Variants in NRG3 observed in about 807,000 individuals in gnomAD.
NRG3 encodes the protein neuregulin 3.
In NRG3, 31 loss-of-function variants were observed where a neutral mutation model predicts 66.9. The ratio of observed to expected loss-of-function variants is 0.46; its 90% confidence interval spans 0.35 to 0.63. The LOEUF (loss-of-function observed/expected upper bound fraction) is 0.63. Ranked by LOEUF, NRG3 falls within the 20% of genes least tolerant of loss-of-function variation. The pLI, the probability that NRG3 is intolerant of heterozygous loss-of-function variation, is 0.00. For missense variants in NRG3, 910 were observed against 878.9 expected, an observed-to-expected ratio of 1.04 and a Z score of -0.45; for synonymous variants, 393 against 359.4, an observed-to-expected ratio of 1.09 and a Z score of -1.06.
intron 4 of NRG3, among the ~76,000 whole-genome samples, chr10:82,893,984 A>C (rs2131821508): frequency 6.6e-6 from 1 of 152,368 alleles, no homozygotes; most frequent in South Asian, 2.1e-4. Context: ...CCTATAACAA[A>C]ACAAAACAAA....
intron 2 of NRG3, among the ~76,000 whole-genome samples, chr10:82,694,231 T>C (rs2055188912): frequency 6.6e-6 from 1 of 152,138 alleles, no homozygotes. Flanking sequence ...AGAGCGCTGA[T>C]TGGTGCGTTT....
chr10:82,809,043 G>T (rs1461097341), intron 3 of NRG3, among the ~76,000 whole-genome samples: 1 of 152,156 alleles, frequency 6.6e-6, no homozygotes, highest in African/African-American at 2.4e-5. Flanking sequence ...GTGACTGAGA[G>T]GAGGCGATGG....
intron 1 of NRG3, among the ~76,000 whole-genome samples, chr10:81,902,596 G>A (rs1271481903): frequency 6.6e-6 from 1 of 152,124 alleles, no homozygotes; most frequent in Admixed American, 6.5e-5. Flanking sequence ...CCTCGATCTT[G>A]GACTTCCCTG....
intron 2 of NRG3, among the ~76,000 whole-genome samples, chr10:82,379,022 T>C (rs1434756320): frequency 3.9e-5 from 6 of 152,156 alleles, no homozygotes; most frequent in African/African-American, 1.2e-4. Flanking sequence ...TGGGAGCTAA[T>C]TGGGCGCAGG....
At chr10:82,439,669 G>A (rs2090330788) in intron 2 of NRG3, among the ~76,000 whole-genome samples, 1 of 151,720 alleles carries the variant, frequency 6.6e-6, no homozygotes, top group African/African-American at 2.4e-5. Flanking sequence ...ATTGTGAATG[G>A]GAAGTCCTGA....
At chr10:82,474,475 A>C (rs1841574028) in intron 2 of NRG3, among the ~76,000 whole-genome samples, 1 of 152,194 alleles carries the variant, frequency 6.6e-6, no homozygotes, top group African/African-American at 2.4e-5. Flanking sequence ...AACAACTGAA[A>C]ATTTCACTAG....
chr10:82,784,304 A>G (rs1190228184), intron 3 of NRG3, among the ~76,000 whole-genome samples: 2 of 151,402 alleles, frequency 1.3e-5, no homozygotes, highest in African/African-American at 2.4e-5. Flanking sequence ...ATGGGCAAGG[A>G]CTTCATGTCT....
chr10:82,764,935 C>G (rs1430553198), intron 3 of NRG3, among the ~76,000 whole-genome samples: 1 of 152,058 alleles, frequency 6.6e-6, no homozygotes. Flanking sequence ...ATTTGAAAAT[C>G]ATGTCATATG....
At position 82,575,878 on chromosome 10, in the gene NRG3, T is replaced by C. The variant is rs547002846; in HGVS notation, c.954-162699T>C. 2.6e-5 allele frequency among the ~76,000 whole-genome samples: 4 copies of C among 151,880 alleles called. No homozygotes were observed. The East Asian group carries it at 7.8e-4, about 30-fold the overall frequency. ...GTCAAGAGCTTAAAACAATTTCTCATGCATGAGTGAAGCTTCATAAGTGTT... is the reference window on the plus strand; with the variant it reads ...GTCAAGAGCTTAAAACAATTTCTCACGCATGAGTGAAGCTTCATAAGTGTT... On this transcript the variant is annotated intron_variant, in intron 2 of 8. Coordinates refer to ENST00000372141, the MANE Select transcript of NRG3 (RefSeq NM_001010848.4).
At chr10:82,513,559 A>G (rs569638589) in intron 2 of NRG3, among the ~76,000 whole-genome samples, 1 of 152,278 alleles carries the variant, frequency 6.6e-6, no homozygotes, top group Admixed American at 6.5e-5. Context: ...TTACATTCCC[A>G]TCAAGAGCGT....
At chr10:81,898,670 A>C (rs1035146871) in intron 1 of NRG3, among the ~76,000 whole-genome samples, 2 of 152,172 alleles carry the variant, frequency 1.3e-5, no homozygotes, top group African/African-American at 4.8e-5. Context: ...GCCTTTGTCC[A>C]AAATAAATAA....
intron 1 of NRG3, among the ~76,000 whole-genome samples, chr10:81,995,946 T>C (rs552425324): frequency 6.6e-6 from 1 of 152,286 alleles, no homozygotes; most frequent in South Asian, 2.1e-4. Flanking sequence ...TTCACATGGC[T>C]CTCTTCACTG....
intron 1 of NRG3, among the ~76,000 whole-genome samples, chr10:82,326,989 C>CTAG (rs2081905620): frequency 6.6e-6 from 1 of 152,118 alleles, no homozygotes; most frequent in South Asian, 2.1e-4. Flanking sequence ...TTAGTAAAGG[C>CTAG]TAGTATCATT....
At chr10:82,246,819 G>A (rs548318701) in intron 1 of NRG3, among the ~76,000 whole-genome samples, 1 of 152,230 alleles carries the variant, frequency 6.6e-6, no homozygotes, top group Admixed American at 6.5e-5. Flanking sequence ...GAGTGTGAAT[G>A]CTGGCCCACC....
chr10:82,259,913 C>T (rs1458817988), intron 1 of NRG3, among the ~76,000 whole-genome samples: 1 of 150,476 alleles, frequency 6.6e-6, no homozygotes, highest in African/African-American at 2.5e-5. Flanking sequence ...ACCTGGGTGA[C>T]AGGGCAAGAC....
At chr10:82,428,727 A>G (rs2089604880) in intron 2 of NRG3, among the ~76,000 whole-genome samples, 1 of 151,864 alleles carries the variant, frequency 6.6e-6, no homozygotes, top group Admixed American at 6.6e-5. Flanking sequence ...AAGTCTGGAT[A>G]GTTTCTAGTT....
chr10:82,514,127 A>G (rs1845442524), intron 2 of NRG3, among the ~76,000 whole-genome samples: 1 of 152,096 alleles, frequency 6.6e-6, no homozygotes, highest in Non-Finnish European at 1.5e-5. Flanking sequence ...TATTTTTCCC[A>G]TTCTGTAGGT....
intron 2 of NRG3, among the ~76,000 whole-genome samples, chr10:82,603,242 G>A (rs1425550744): frequency 6.6e-6 from 1 of 152,106 alleles, no homozygotes; most frequent in Non-Finnish European, 1.5e-5. Flanking sequence ...TTGGGAATGT[G>A]GCTGCTAGAG....
At chr10:82,826,100 T>A (rs1411376969) in intron 3 of NRG3, among the ~76,000 whole-genome samples, 1 of 152,202 alleles carries the variant, frequency 6.6e-6, no homozygotes, top group African/African-American at 2.4e-5. Flanking sequence ...TTTGCATTTA[T>A]ATGTTTAAAT....
Sources: gnomAD v4.1 joint callset for allele counts (sites outside exome capture counted in the v4.1 genomes callset) on GRCh38, gnomAD v4.1.1 for gene constraint, MANE v1.5 for transcripts, NCBI Gene and HGNC (gene_info 2026-07-23, HGNC 2026-07-21) for gene names.